PIEZO1: variants seen among roughly 807,000 people sequenced by gnomAD.
PIEZO1 encodes piezo-type mechanosensitive ion channel component 1.
In PIEZO1, 296 loss-of-function variants were observed where a neutral mutation model predicts 297.2. The ratio of observed to expected loss-of-function variants is 1.00; its 90% CI spans 0.91 to 1.10. The LOEUF is 1.10. PIEZO1 is among the 50% of genes least tolerant of loss of function. PIEZO1 has a pLI of 0.00. For synonymous variants in PIEZO1, 2,427 were observed against 1,507.5 expected, an observed-to-expected ratio of 1.61 and a Z score of -14.13; for missense variants, 5,018 against 3,455.5, an observed-to-expected ratio of 1.45 and a Z score of -11.34.
At chr16:88,756,525 G>A (rs1390409669) in intron 1 of PIEZO1, among the ~76,000 whole-genome samples, 1 of 152,128 alleles carries the variant, frequency 6.6e-6, no homozygotes, top group East Asian at 1.9e-4. Flanking sequence ...AGGCCGAGGC[G>A]GGAAGATGGC....
chr16:88,751,922 C>T (rs1906410341), intron 1 of PIEZO1, among the ~76,000 whole-genome samples: 1 of 152,164 alleles, frequency 6.6e-6, no homozygotes, highest in Non-Finnish European at 1.5e-5. Context: ...CAATGCTCAA[C>T]AAGTGCACCA....
At chr16:88,769,372 G>C (rs1235441099) in intron 1 of PIEZO1, among the ~76,000 whole-genome samples, 7 of 152,178 alleles carry the variant, frequency 4.6e-5, no homozygotes, top group African/African-American at 1.7e-4. Context: ...AATAATTCTG[G>C]CTTCTGACTG....
intron 2 of PIEZO1, among the ~76,000 whole-genome samples, chr16:88,749,056 T>G (rs139650625): frequency 2.0e-5 from 3 of 148,206 alleles, no homozygotes; most frequent in Non-Finnish European, 4.5e-5. Context: ...GCTATCACGG[T>G]GAAACCCCGT....
intron 22 of PIEZO1, 35 bp downstream of exon 22, chr16:88,731,671 A>G (rs1232588595): frequency 6.6e-7 from 1 of 1,522,144 alleles, no homozygotes. Flanking sequence ...ACAAAGCCAC[A>G]AAGCCCACTC....
chr16:88,736,199 G>C lies in PIEZO1; in HGVS notation c.1506C>G (p.Arg502=), dbSNP rs895210980. ...LPTTLGPVSL[R]QLGLEHTRYP... ...AGCGGGTGTGCTCCAGCCCCAGCTG[G>C]CGCAGGCTGACGGGGCCCAGGGTGG... is the stretch of plus-strand genomic sequence containing the variant. The change falls in exon 12 of 51, where the codon CGC becomes CGG. Residue 502 remains arginine (R), a synonymous_variant. Coordinates refer to ENST00000301015, the MANE Select transcript of PIEZO1 (RefSeq NM_001142864.4). 2.6e-6 allele frequency: 4 copies of C among 1,549,450 alleles called. No individual in the cohort carries two copies. Among genetic ancestry groups the C allele is most frequent in the Middle Eastern group, 1.7e-4 (1 of 5,780 alleles).
chr16:88,754,749 G>C (rs978030008), intron 1 of PIEZO1, among the ~76,000 whole-genome samples: 3 of 152,242 alleles, frequency 2.0e-5, no homozygotes, highest in African/African-American at 7.2e-5. Flanking sequence ...ACCCCACACT[G>C]CCGGGGCCCG....
intron 1 of PIEZO1, among the ~76,000 whole-genome samples, chr16:88,782,943 CCA>C (rs1415681085): frequency 6.6e-6 from 1 of 152,222 alleles, no homozygotes; most frequent in East Asian, 1.9e-4. Flanking sequence ...CGCCCCATCC[CCA>C]GACACAGAAT....
At chr16:88,749,064 C>CT (rs1187455808) in intron 2 of PIEZO1, among the ~76,000 whole-genome samples, 2 of 151,252 alleles carry the variant, frequency 1.3e-5, no homozygotes, top group South Asian at 2.1e-4. Context: ...GGTGAAACCC[C>CT]GTCTCTACTA....
Position 88,717,023 on chromosome 16 carries a change from C to T in PIEZO1, c.6660G>A (p.Glu2220=). 1 of 1,550,476 alleles carries T rather than the reference C, an allele frequency of 6.4e-7. No homozygotes were observed. The highest frequency in any genetic ancestry group is 8.7e-7 in the Non-Finnish European group (1 of 1,146,946). The part of the protein sequence containing the change: ...VTVTLKLGGY[E]PLFTMSAQQP... ...GACAGGCGGACCCACACATGCTCACCTCATAGCCGCCCAGCTTCAGGGTGA... is the reference window on the plus strand; with the variant it reads ...GACAGGCGGACCCACACATGCTCACTTCATAGCCGCCCAGCTTCAGGGTGA... The change falls in exon 45 of 51, where the codon GAG becomes GAA. Residue 2220 remains glutamate, a splice_region_variant and synonymous_variant. Transcript: ENST00000301015.
At chr16:88,738,190 G>A in intron 7 of PIEZO1, 37 bp downstream of exon 7, 3 of 1,533,674 alleles carry the variant, frequency 2.0e-6, no homozygotes, top group Non-Finnish European at 2.6e-6. Flanking sequence ...GCGGGACCAG[G>A]GTGGCAGGAA....
At chr16:88,763,435 T>A (rs920248670) in intron 1 of PIEZO1, among the ~76,000 whole-genome samples, 43 of 152,166 alleles carry the variant, frequency 2.8e-4, no homozygotes, top group African/African-American at 1.0e-3. Context: ...TCCAGCAGTT[T>A]ATGAGGCCAA....
At chr16:88,723,675 G>A (rs1369043571) in intron 31 of PIEZO1, among the ~76,000 whole-genome samples, 196 bp downstream of exon 31, 1 of 152,266 alleles carries the variant, frequency 6.6e-6, no homozygotes, top group Non-Finnish European at 1.5e-5. Flanking sequence ...GGGGCAGCAG[G>A]CTACACATGA....
At chr16:88,737,452 G>A (rs1190773553) in intron 10 of PIEZO1, 107 bp downstream of exon 10, 2 of 731,758 alleles carry the variant, frequency 2.7e-6, no homozygotes, top group East Asian at 5.7e-5. Flanking sequence ...GCGGCAGGCA[G>A]AGGTGCGGCG....
intron 1 of PIEZO1, among the ~76,000 whole-genome samples, chr16:88,749,959 C>T (rs898205653): frequency 1.7e-4 from 25 of 150,986 alleles, no homozygotes; most frequent in African/African-American, 4.9e-4. Flanking sequence ...AACCGGGAGG[C>T]GGAGGTTACA....
intron 22 of PIEZO1, 152 bp downstream of exon 22, chr16:88,731,554 C>T: frequency 1.6e-6 from 1 of 606,892 alleles, no homozygotes; most frequent in Non-Finnish European, 2.9e-6. Flanking sequence ...GGTGATGGCG[C>T]CTGGGTAGGA....
In PIEZO1 at chr16:88,738,611, C is replaced by T. The variant is rs894213158; in HGVS notation, c.591G>A (p.Val197=). Residue 197 remains valine, a synonymous_variant, in exon 6 of 51, where the codon GTG becomes GTA. Coordinates refer to ENST00000301015, the MANE Select transcript of PIEZO1 (RefSeq NM_001142864.4). The part of the protein sequence containing the change: ...RFRVTAHWLL[V]AAGRVLAVTL... ...TTACGGCCAGGACCCGCCCAGCCGC[C>T]ACCAGCAGCCAGTGGGCCGTGACTC... The T allele has an allele frequency of 5.9e-6, 9 of 1,535,554 alleles. No individual in the cohort carries two copies. The African/African-American group carries it at 9.6e-5, about 16-fold the overall frequency.
chr16:88,723,046 C>T (rs1404584330), intron 33 of PIEZO1, 37 bp from the exon 34 acceptor site: 3 of 1,543,824 alleles, frequency 1.9e-6, no homozygotes, highest in Admixed American at 2.0e-5. Context: ...GAGGGGCAGC[C>T]TGTGGGGCCA....
intron 30 of PIEZO1, among the ~76,000 whole-genome samples, chr16:88,724,682 G>A (rs141197312): frequency 0.013 from 1,994 of 152,282 alleles, 45 homozygotes; most frequent in South Asian, 0.079. Context: ...GTGACAGAGC[G>A]AGACTCCATC....
At chr16:88,720,014 C>A in intron 42 of PIEZO1, 54 bp from the exon 43 acceptor site, 1 of 1,549,118 alleles carries the variant, frequency 6.5e-7, no homozygotes. Flanking sequence ...CCGCAGGGCC[C>A]CCAGCCTGCA....
Sources: allele counts gnomAD v4.1 joint callset (sites outside exome capture counted in the v4.1 genomes callset), GRCh38; gene constraint gnomAD v4.1.1; transcripts MANE v1.5; gene names NCBI Gene and HGNC (gene_info 2026-07-23, HGNC 2026-07-21).